Variants in UGT1A5 observed in about 807,000 individuals in gnomAD.
UGT1A5 encodes UDP glucuronosyltransferase family 1 member A5, also known as UDP-glucuronosyltransferase 1A5.
UGT1A5 carries 29 observed loss-of-function variants against 40.3 expected under a neutral mutation model. The observed-to-expected ratio is 0.72, with a 90% confidence interval of 0.54 to 0.98. The LOEUF (loss-of-function observed/expected upper bound fraction) is 0.98. Among genes scored for constraint, UGT1A5 ranks in the 50% least tolerant of loss-of-function variants. The pLI, the probability that UGT1A5 is intolerant of heterozygous loss-of-function variation, is 0.00. For synonymous variants in UGT1A5, 257 were observed against 262.5 expected, an observed-to-expected ratio of 0.98 and a Z score of 0.20; for missense variants, 678 against 677.9, an observed-to-expected ratio of 1.00 and a Z score of 0.00.
intron 1 of UGT1A5, among the ~76,000 whole-genome samples, chr2:233,741,290 C>T (rs1691616711): frequency 6.6e-6 from 1 of 151,724 alleles, no homozygotes. Context: ...ATTTATGTAC[C>T]CAATTGTGTA....
At position 233,714,698 on chromosome 2, in the gene UGT1A5, T is replaced by G. The variant is rs28899185; in HGVS notation, c.867+840T>G. On this transcript the variant is annotated intron_variant, in intron 1 of 4. Transcript: ENST00000373414. ...AATATTATCCTTTCAACATGTGAAC[T>G]GTTTAACGTAGCTTTTTTTGTTGTT... 4.8e-3 allele frequency among the ~76,000 whole-genome samples: 731 copies of G among 152,338 alleles called. 10 individuals are homozygous for G. The highest frequency in any genetic ancestry group is 0.017 in the African/African-American group (696 of 41,576).
At chr2:233,768,483 T>G in intron 4 of UGT1A5, 44 bp downstream of exon 4, 1 of 1,586,708 alleles carries the variant, frequency 6.3e-7, no homozygotes. Flanking sequence ...ATGGCATTCA[T>G]GATAAAATTG....
chr2:233,727,024 C>A (rs1363887346), intron 1 of UGT1A5, among the ~76,000 whole-genome samples: 2 of 152,054 alleles, frequency 1.3e-5, no homozygotes, highest in African/African-American at 4.8e-5. Flanking sequence ...TGTTTTTGTA[C>A]CCTAAGGAAT....
intron 3 of UGT1A5, 134 bp from the exon 4 acceptor site, chr2:233,768,086 A>T: frequency 1.3e-6 from 2 of 1,591,428 alleles, no homozygotes; most frequent in Non-Finnish European, 8.6e-7. Flanking sequence ...ATCTCAACCC[A>T]CATTTTCTTC....
chr2:233,749,095 G>A (rs535774350), intron 1 of UGT1A5, among the ~76,000 whole-genome samples: 9 of 151,904 alleles, frequency 5.9e-5, no homozygotes, highest in Admixed American at 5.2e-4. Context: ...TGTATTTCAT[G>A]AGAGAATTCA....
intron 1 of UGT1A5, among the ~76,000 whole-genome samples, chr2:233,761,318 C>T (rs1697742330): frequency 6.6e-6 from 1 of 152,218 alleles, no homozygotes; most frequent in South Asian, 2.1e-4. Context: ...TTGGCATCAT[C>T]TTCTGGATGA....
At position 233,728,183 on chromosome 2, in the gene UGT1A5, A is replaced by G. The variant is rs539668176; in HGVS notation, c.867+14325A>G. ...GTTCTGGAGGAACCATTCTTATCAG[A>G]ACTTGGTGCTGGATTGACTTGGAGA... On this transcript the variant is annotated intron_variant, in intron 1 of 4. Coordinates refer to ENST00000373414, the MANE Select transcript of UGT1A5 (RefSeq NM_019078.2). Among the ~76,000 whole-genome samples the G allele has an allele frequency of 2.0e-5, 3 of 152,306 alleles. No individual in the cohort carries two copies. In the South Asian group the frequency reaches 6.2e-4, roughly 32 times the overall value.
intron 1 of UGT1A5, among the ~76,000 whole-genome samples, chr2:233,757,570 G>C (rs1278180964): frequency 1.3e-5 from 1 of 75,608 alleles, no homozygotes; most frequent in African/African-American, 6.1e-5. Context: ...ATGTATATAT[G>C]ATATAGCTAT....
chr2:233,731,991 A>G (rs989443870), intron 1 of UGT1A5, among the ~76,000 whole-genome samples: 3 of 152,160 alleles, frequency 2.0e-5, no homozygotes, highest in Non-Finnish European at 2.9e-5. Context: ...CTGGCGTGAG[A>G]TGGTATCTCA....
intron 1 of UGT1A5, among the ~76,000 whole-genome samples, chr2:233,759,835 C>T (rs1697265176): frequency 6.6e-6 from 1 of 152,172 alleles, no homozygotes; most frequent in African/African-American, 2.4e-5. Flanking sequence ...GTGGAGTGGG[C>T]ACTCTTACAG....
At chr2:233,713,913 A>T in intron 1 of UGT1A5, 55 bp downstream of exon 1, 1 of 1,612,556 alleles carries the variant, frequency 6.2e-7, no homozygotes, top group Non-Finnish European at 8.5e-7. Context: ...CTTTTTAAAA[A>T]ATGTATTTAC....
At chr2:233,745,519 A>G (rs567771888) in intron 1 of UGT1A5, among the ~76,000 whole-genome samples, 1 of 151,822 alleles carries the variant, frequency 6.6e-6, no homozygotes, top group African/African-American at 2.4e-5. Context: ...ATTAGGTCTA[A>G]TGGGGATGTG....
intron 1 of UGT1A5, chr2:233,743,956 G>A (rs184316279): frequency 9.0e-5 from 120 of 1,338,248 alleles, no homozygotes; most frequent in Middle Eastern, 2.2e-4. Flanking sequence ...CTGGCACAGC[G>A]AGCGGCAAGG....
intron 1 of UGT1A5, among the ~76,000 whole-genome samples, chr2:233,731,421 G>A (rs1039281599): frequency 6.6e-6 from 1 of 151,738 alleles, no homozygotes; most frequent in Non-Finnish European, 1.5e-5. Flanking sequence ...TTTTCCTAAT[G>A]CCATCCCTCC....
At chr2:233,729,553 G>A in intron 1 of UGT1A5, 1 of 1,614,176 alleles carries the variant, frequency 6.2e-7, no homozygotes, top group Middle Eastern at 1.7e-4. Context: ...GCACCTGAAT[G>A]CTACTTCCTT....
chr2:233,729,149 C>T, intron 1 of UGT1A5: 2 of 1,613,488 alleles, frequency 1.2e-6, no homozygotes, highest in Non-Finnish European at 1.7e-6. Flanking sequence ...CTCCAGGTTC[C>T]CCTGCCGTGG....
intron 1 of UGT1A5, chr2:233,729,068 A>C: frequency 6.2e-7 from 1 of 1,611,394 alleles, no homozygotes. Context: ...AGATGAAGAA[A>C]GCAAATGTAG....
chr2:233,749,861 C>T (rs1160641293), intron 1 of UGT1A5, among the ~76,000 whole-genome samples: 2 of 151,980 alleles, frequency 1.3e-5, no homozygotes, highest in Non-Finnish European at 2.9e-5. Context: ...CTCTCACTTT[C>T]TGCCAGGATT....
At chr2:233,743,936 C>A in intron 1 of UGT1A5, 1 of 1,355,864 alleles carries the variant, frequency 7.4e-7, no homozygotes, top group Non-Finnish European at 9.9e-7. Flanking sequence ...CCAGAACGGC[C>A]CACCAGGCAC....
Sources: allele counts gnomAD v4.1 joint callset (sites outside exome capture counted in the v4.1 genomes callset), GRCh38; gene constraint gnomAD v4.1.1; transcripts MANE v1.5; gene names NCBI Gene and HGNC (gene_info 2026-07-23, HGNC 2026-07-21).